The following OPN5 variants were observed in gnomAD, a reference collection of about 807,000 sequenced individuals.
The protein encoded by OPN5 is opsin-5.
In OPN5, 18 loss-of-function variants were observed where a neutral mutation model predicts 41.7. The observed-to-expected ratio is 0.43, with a 90% CI of 0.30 to 0.64. The LOEUF (loss-of-function observed/expected upper bound fraction) is 0.64, where lower values mean the gene tolerates loss of function less well. Ranked by LOEUF, OPN5 falls within the 30% of genes least tolerant of loss-of-function variation. The probability of loss-of-function intolerance (pLI) is 0.13; values close to 1 mark genes in which losing one functional copy is unlikely to be tolerated. For synonymous variants in OPN5, 178 were observed against 164.3 expected (o/e 1.08, Z -0.64); for missense variants, 318 against 434.5 (o/e 0.73, Z 2.38).
At position 47,788,645 on chromosome 6, in the gene OPN5, CTATATTCCAT is replaced by C. The variant is rs200502171; in HGVS notation, c.250+2016_250+2025del. Among the ~76,000 whole-genome samples, 44 of 152,128 alleles carry C rather than the reference CTATATTCCAT, an allele frequency of 2.9e-4. No homozygotes were observed. In the East Asian group the frequency reaches 8.3e-3, roughly 29 times the overall value. On this transcript the variant is annotated intron_variant, in intron 2 of 6. Coordinates refer to ENST00000371211, the Ensembl canonical transcript of OPN5. The stretch of plus-strand genomic sequence containing the variant: ...CCTGCTTTATTTTTTTCTGGCTCAG[CTATATTCCAT>C]TATAAGCACCTCCTGGAGGCCAGAT...
At chr6:47,787,143 A>G in intron 2 of OPN5, 1 of 981,132 alleles carries the variant, frequency 1.0e-6, no homozygotes, top group Non-Finnish European at 1.2e-6. Flanking sequence ...ATCATGACTT[A>G]GTGACATATC....
intron 1 of OPN5, among the ~76,000 whole-genome samples, chr6:47,783,946 A>G (rs1773137934): frequency 1.3e-5 from 2 of 152,334 alleles, no homozygotes; most frequent in Non-Finnish European, 1.5e-5. Flanking sequence ...CTATCAGTCC[A>G]TTCCCAATCT....
intron 4 of OPN5, among the ~76,000 whole-genome samples, chr6:47,795,778 T>TCACACA (rs57933636): frequency 3.8e-4 from 54 of 142,888 alleles, no homozygotes; most frequent in African/African-American, 1.2e-3. Context: ...TCTCTCTCTC[T>TCACACA]CACACACACA....
At chr6:47,817,116 T>C (rs772913907) in intron 6 of OPN5, among the ~76,000 whole-genome samples, 7 of 152,068 alleles carry the variant, frequency 4.6e-5, no homozygotes, top group Non-Finnish European at 8.8e-5. Flanking sequence ...TTTTGAGCCA[T>C]GATTGGAGGT....
chr6:47,785,036 C>T (rs2113946213), intron 1 of OPN5, among the ~76,000 whole-genome samples: 1 of 152,058 alleles, frequency 6.6e-6, no homozygotes, highest in South Asian at 2.1e-4. Context: ...CTGGGTGAAA[C>T]CTTATGAAGC....
In OPN5 at chr6:47,792,551, A is replaced by G. The variant is rs548291607; in HGVS notation, c.421+579A>G. Among the ~76,000 whole-genome samples, 7 of 152,358 alleles carry G rather than the reference A, an allele frequency of 4.6e-5. No individual in the cohort carries two copies. The South Asian group carries it at 1.4e-3, about 32-fold the overall frequency. ...TGATTACAAGAATTGGTGAATCAGCAGAAAATAAGTTTCCAGGGACTAAAT... is the reference window on the plus strand; with the variant it reads ...TGATTACAAGAATTGGTGAATCAGCGGAAAATAAGTTTCCAGGGACTAAAT... On this transcript the variant is annotated intron_variant, in intron 3 of 6. Coordinates refer to ENST00000371211, the Ensembl canonical transcript of OPN5.
intron 2 of OPN5, among the ~76,000 whole-genome samples, chr6:47,788,079 C>T (rs1389032811): frequency 6.6e-6 from 1 of 152,158 alleles, no homozygotes; most frequent in Non-Finnish European, 1.5e-5. Context: ...TCAGTATGGA[C>T]CTGCATAAAC....
chr6:47,788,895 T>C (rs1488706985), intron 2 of OPN5, among the ~76,000 whole-genome samples: 2 of 151,424 alleles, frequency 1.3e-5, no homozygotes, highest in African/African-American at 4.9e-5. Flanking sequence ...TGGGGAGGGA[T>C]GGAACCCTGG....
At chr6:47,820,678 T>C (rs954327324) in intron 6 of OPN5, among the ~76,000 whole-genome samples, 3 of 152,152 alleles carry the variant, frequency 2.0e-5, no homozygotes, top group Admixed American at 2.0e-4. Context: ...ACGTTATTTA[T>C]TGAGTGTTTC....
At chr6:47,797,690 T>C (rs1773621137) in intron 4 of OPN5, among the ~76,000 whole-genome samples, 1 of 152,222 alleles carries the variant, frequency 6.6e-6, no homozygotes, top group Admixed American at 6.5e-5. Flanking sequence ...AAATGTGCTT[T>C]CTTCTTGCCA....
At chr6:47,804,045 G>A (rs1773870632) in intron 4 of OPN5, among the ~76,000 whole-genome samples, 1 of 152,264 alleles carries the variant, frequency 6.6e-6, no homozygotes, top group South Asian at 2.1e-4. Flanking sequence ...TGCTTTAATT[G>A]GTTAATTAAT....
At chr6:47,806,969 C>T (rs1294767104) in intron 4 of OPN5, among the ~76,000 whole-genome samples, 1 of 152,090 alleles carries the variant, frequency 6.6e-6, no homozygotes, top group African/African-American at 2.4e-5. Flanking sequence ...ACCAGCCTGG[C>T]CAACATGGTG....
intron 5 of OPN5, among the ~76,000 whole-genome samples, chr6:47,811,041 A>C (rs543332618): frequency 1.3e-5 from 2 of 152,346 alleles, no homozygotes; most frequent in South Asian, 4.1e-4. Context: ...AAAGGAAGAC[A>C]ATGGCAGTAC....
At position 47,820,986 on chromosome 6, in the gene OPN5, A is replaced by T. The variant is rs896672161; in HGVS notation, c.1057-2997A>T. ...CTTATAATAAAGTAAGCTAGAGAAA[A>T]CATTAAGAAAATCATAAGAAAGAGA... On this transcript the variant is annotated intron_variant, in intron 6 of 6. Transcript: ENST00000371211. Among the ~76,000 whole-genome samples the T allele has an allele frequency of 2.0e-5, 3 of 152,222 alleles. No homozygotes were observed. The South Asian group carries it at 6.2e-4, about 32-fold the overall frequency.
chr6:47,810,260 G>C (rs1020853361), intron 5 of OPN5, among the ~76,000 whole-genome samples: 3 of 152,186 alleles, frequency 2.0e-5, no homozygotes, highest in African/African-American at 7.2e-5. Flanking sequence ...AGGTGCTAGA[G>C]GTTGAAGCCT....
chr6:47,822,909 A>T (rs1762676463), intron 6 of OPN5, among the ~76,000 whole-genome samples: 1 of 152,236 alleles, frequency 6.6e-6, no homozygotes, highest in Admixed American at 6.5e-5. Context: ...TGTTCTAGAT[A>T]ATCCAAAAGT....
At chr6:47,813,110 C>CAAAAAAAAAAAA (rs1189106345) in intron 6 of OPN5, among the ~76,000 whole-genome samples, 4 of 114,342 alleles carry the variant, frequency 3.5e-5, no homozygotes, top group African/African-American at 1.2e-4. Flanking sequence ...ACAACAACAA[C>CAAAAAAAAAAAA]AACAAGCAAC....
Position 47,794,265 on chromosome 6 carries a change from A to G in OPN5, c.422-964A>G, listed in dbSNP as rs565516453. Among the ~76,000 whole-genome samples, 3 of 152,312 alleles carry G rather than the reference A, an allele frequency of 2.0e-5. No homozygotes were observed. The East Asian group carries it at 5.8e-4, about 29-fold the overall frequency. On this transcript the variant is annotated intron_variant, in intron 3 of 6. Transcript: ENST00000371211. ...GCCCTGAGTCTATATTGAAGTAATCATTTAGCTTTTGTTGAATATATTTTG... is the reference window on the plus strand; with the variant it reads ...GCCCTGAGTCTATATTGAAGTAATCGTTTAGCTTTTGTTGAATATATTTTG...
At chr6:47,786,859 T>G (rs370418925) in intron 2 of OPN5, among the ~76,000 whole-genome samples, 39 of 152,330 alleles carry the variant, frequency 2.6e-4, no homozygotes, top group Middle Eastern at 6.8e-3. Flanking sequence ...GTGTCAGGCA[T>G]GTTAGATGCT....
Sources: allele counts gnomAD v4.1 joint callset (sites outside exome capture counted in the v4.1 genomes callset), GRCh38; gene constraint gnomAD v4.1.1; transcripts MANE v1.5; gene names NCBI Gene and HGNC (gene_info 2026-07-23, HGNC 2026-07-21).